CTNND2: variants seen among roughly 807,000 people sequenced by gnomAD.
CTNND2 encodes catenin delta-2.
CTNND2 carries 22 observed loss-of-function variants against 144.4 expected under a neutral mutation model. The ratio of observed to expected loss-of-function variants is 0.15; its 90% CI spans 0.11 to 0.22. The LOEUF (loss-of-function observed/expected upper bound fraction) is 0.22, where lower values mean the gene tolerates loss of function less well. Among genes scored for constraint, CTNND2 ranks in the 10% least tolerant of loss-of-function variants. The pLI, the probability that CTNND2 is intolerant of heterozygous loss-of-function variation, is 1.00. For missense variants in CTNND2, 1,353 were observed against 1,618.8 expected, an observed-to-expected ratio of 0.84 and a Z score of 2.82; for synonymous variants, 751 against 695.6, an observed-to-expected ratio of 1.08 and a Z score of -1.25.
intron 14 of CTNND2, among the ~76,000 whole-genome samples, chr5:11,105,637 T>C (rs1344129681): frequency 6.6e-6 from 1 of 152,236 alleles, no homozygotes; most frequent in Non-Finnish European, 1.5e-5. Context: ...TTTAAGTCTA[T>C]AAACTCACTG....
At chr5:11,443,043 G>A (rs1360841490) in intron 3 of CTNND2, among the ~76,000 whole-genome samples, 1 of 150,324 alleles carries the variant, frequency 6.7e-6, no homozygotes, top group Non-Finnish European at 1.5e-5. Context: ...TTACTACAAT[G>A]AGTACACCTC....
At chr5:11,262,873 G>A (rs1404729462) in intron 9 of CTNND2, among the ~76,000 whole-genome samples, 1 of 150,482 alleles carries the variant, frequency 6.6e-6, no homozygotes, top group Non-Finnish European at 1.5e-5. Flanking sequence ...TGATTTCCCT[G>A]ATCCCCCTAA....
chr5:11,760,260 C>T (rs1357558504), intron 1 of CTNND2, among the ~76,000 whole-genome samples: 1 of 152,066 alleles, frequency 6.6e-6, no homozygotes, highest in East Asian at 1.9e-4. Context: ...TTGGGAATGA[C>T]TCCATTCCAC....
At chr5:11,810,479 AT>A (rs1561816887) in intron 1 of CTNND2, among the ~76,000 whole-genome samples, 2 of 33,624 alleles carry the variant, frequency 5.9e-5, no homozygotes, top group Non-Finnish European at 1.3e-3. Context: ...TGTTGTGAAA[AT>A]TAAGTGTGCA....
At chr5:11,242,703 G>C (rs1742577567) in intron 9 of CTNND2, among the ~76,000 whole-genome samples, 1 of 152,160 alleles carries the variant, frequency 6.6e-6, no homozygotes, top group African/African-American at 2.4e-5. Context: ...GATTAGTTTT[G>C]TTGAGCAAGG....
At chr5:11,441,590 G>A (rs1427047413) in intron 3 of CTNND2, among the ~76,000 whole-genome samples, 1 of 150,458 alleles carries the variant, frequency 6.6e-6, no homozygotes, top group East Asian at 2.0e-4. Flanking sequence ...CACCATCTTG[G>A]CCAGGCTGGT....
intron 9 of CTNND2, among the ~76,000 whole-genome samples, chr5:11,341,013 C>T (rs1411069040): frequency 6.6e-6 from 1 of 152,090 alleles, no homozygotes; most frequent in Non-Finnish European, 1.5e-5. Flanking sequence ...TAAAGTGAAC[C>T]CAGGTTTGCC....
intron 2 of CTNND2, among the ~76,000 whole-genome samples, chr5:11,621,857 G>A (rs959059911): frequency 3.3e-4 from 50 of 152,244 alleles, no homozygotes; most frequent in African/African-American, 1.1e-3. Flanking sequence ...ATATGTAGGC[G>A]GGGCTGTCAT....
At chr5:11,473,090 A>G (rs545480164) in intron 3 of CTNND2, among the ~76,000 whole-genome samples, 4 of 152,326 alleles carry the variant, frequency 2.6e-5, no homozygotes, top group African/African-American at 9.6e-5. Flanking sequence ...GAAAGAAAGA[A>G]AAAATTAGTG....
chr5:11,601,272 C>A (rs533279249), intron 2 of CTNND2, among the ~76,000 whole-genome samples: 23 of 152,106 alleles, frequency 1.5e-4, no homozygotes, highest in Admixed American at 9.8e-4. Context: ...ATTATTTTCA[C>A]TTTTTTTCTC....
chr5:11,070,945 G>A (rs1451438109), intron 16 of CTNND2, among the ~76,000 whole-genome samples: 2 of 151,794 alleles, frequency 1.3e-5, no homozygotes, highest in Non-Finnish European at 2.9e-5. Flanking sequence ...TATGGAGAGG[G>A]AAGAGGAGGA....
chr5:11,287,451 C>T (rs1284206196), intron 9 of CTNND2, among the ~76,000 whole-genome samples: 1 of 152,188 alleles, frequency 6.6e-6, no homozygotes, highest in Non-Finnish European at 1.5e-5. Flanking sequence ...ATAAATCTCT[C>T]TCTTTTTATA....
chr5:11,675,646 T>A (rs1784136444), intron 2 of CTNND2, among the ~76,000 whole-genome samples: 1 of 152,144 alleles, frequency 6.6e-6, no homozygotes, highest in South Asian at 2.1e-4. Flanking sequence ...AGCAACATTT[T>A]TTTGGAATGA....
Position 11,903,636 on chromosome 5 carries a change from G to A in CTNND2, c.37+181C>T, listed in dbSNP as rs936360373. 3.9e-5 allele frequency among the ~76,000 whole-genome samples: 6 copies of A among 152,164 alleles called. No homozygotes were observed. The highest frequency in any genetic ancestry group is 1.2e-4 in the African/African-American group (5 of 41,458). ...CCCCGGACCCCCTTCCAGGCACAGC[G>A]GCTTCCGAGGGGGACCTGGCGCGAT... On this transcript the variant is annotated intron_variant, in intron 1 of 21. Coordinates refer to ENST00000304623, the MANE Select transcript of CTNND2 (RefSeq NM_001332.4). This position sits in a 1 kb window ranked among gnomAD's most constrained non-coding sequence, Gnocchi z 5.4.
At chr5:11,350,505 A>G (rs1438901981) in intron 8 of CTNND2, among the ~76,000 whole-genome samples, 1 of 152,190 alleles carries the variant, frequency 6.6e-6, no homozygotes, top group African/African-American at 2.4e-5. Flanking sequence ...ATTTAAAAAA[A>G]TCACAATCAT....
chr5:11,660,488 G>A (rs1257033331), intron 2 of CTNND2, among the ~76,000 whole-genome samples: 1 of 152,112 alleles, frequency 6.6e-6, no homozygotes, highest in Non-Finnish European at 1.5e-5. Context: ...AGATGGAAAT[G>A]ACCAGTAGAT....
intron 18 of CTNND2, among the ~76,000 whole-genome samples, chr5:11,004,691 C>T (rs114747100): frequency 3.1e-3 from 464 of 148,358 alleles, no homozygotes; most frequent in African/African-American, 0.011. Context: ...TGAACTGTTT[C>T]GTTTTTGCAG....
chr5:11,821,173 C>G (rs1449154437), intron 1 of CTNND2, among the ~76,000 whole-genome samples: 1 of 152,172 alleles, frequency 6.6e-6, no homozygotes, highest in East Asian at 1.9e-4. Flanking sequence ...GTCTAATACT[C>G]ATTTGTCAGA....
chr5:11,840,578 C>T (rs1484402509), intron 1 of CTNND2, among the ~76,000 whole-genome samples: 2 of 152,140 alleles, frequency 1.3e-5, no homozygotes, highest in African/African-American at 2.4e-5. Flanking sequence ...AAAACTTGCA[C>T]ATTTTGATCT....
Sources: allele counts gnomAD v4.1 joint callset (sites outside exome capture counted in the v4.1 genomes callset), GRCh38; gene constraint gnomAD v4.1.1; non-coding constraint Gnocchi (gnomAD v3.1); transcripts MANE v1.5; gene names NCBI Gene and HGNC (gene_info 2026-07-23, HGNC 2026-07-21).